The following GPC6 variants were observed in gnomAD, a reference collection of about 807,000 sequenced individuals.
GPC6 encodes glypican 6.
A neutral mutation model predicts 55.2 loss-of-function variants in GPC6; 14 were observed. The ratio of observed to expected loss-of-function variants is 0.25; its 90% CI spans 0.17 to 0.40. The LOEUF (loss-of-function observed/expected upper bound fraction) is 0.40, where lower values mean the gene tolerates loss of function less well. Among genes scored for constraint, GPC6 ranks in the 10% least tolerant of loss-of-function variants. GPC6 has a pLI of 1.00. For missense variants in GPC6, 641 were observed against 708.5 expected (o/e 0.90, Z 1.08); for synonymous variants, 278 against 259.6 (o/e 1.07, Z -0.68).
At chr13:93,387,328 C>T (rs1355584835) in intron 1 of GPC6, among the ~76,000 whole-genome samples, 2 of 152,090 alleles carry the variant, frequency 1.3e-5, no homozygotes, top group African/African-American at 4.8e-5. Flanking sequence ...CTCCCCTTCC[C>T]CTCCACCCCC....
intron 1 of GPC6, among the ~76,000 whole-genome samples, chr13:93,390,985 G>A (rs1424382711): frequency 3.3e-5 from 5 of 151,796 alleles, no homozygotes; most frequent in African/African-American, 4.8e-5. Flanking sequence ...TAAATACTAT[G>A]TGTCTTTTAT....
intron 1 of GPC6, among the ~76,000 whole-genome samples, chr13:93,322,717 G>A (rs545439075): frequency 1.1e-3 from 163 of 152,178 alleles, no homozygotes; most frequent in African/African-American, 3.9e-3. Context: ...TGGGATTACA[G>A]GCATGAGCCA....
intron 6 of GPC6, among the ~76,000 whole-genome samples, chr13:94,356,586 G>A (rs992640537): frequency 6.6e-6 from 1 of 152,204 alleles, no homozygotes; most frequent in Non-Finnish European, 1.5e-5. Context: ...TGCATGATCT[G>A]CCTGAAAGGA....
intron 2 of GPC6, among the ~76,000 whole-genome samples, chr13:93,678,433 T>C (rs1360388460): frequency 6.6e-6 from 1 of 152,188 alleles, no homozygotes; most frequent in Non-Finnish European, 1.5e-5. Flanking sequence ...ACATTTTTAG[T>C]AGTTGTAACA....
intron 1 of GPC6, among the ~76,000 whole-genome samples, chr13:93,293,039 G>A (rs536639364): frequency 6.6e-6 from 1 of 152,188 alleles, no homozygotes; most frequent in South Asian, 2.1e-4. Flanking sequence ...TCAGACTGGA[G>A]TGCAGTGGTG....
chr13:93,952,596 T>C (rs915377045), intron 3 of GPC6, among the ~76,000 whole-genome samples: 1 of 151,878 alleles, frequency 6.6e-6, no homozygotes, highest in African/African-American at 2.4e-5. Flanking sequence ...ATATGTGATG[T>C]ATACATTTAT....
intron 1 of GPC6, among the ~76,000 whole-genome samples, chr13:93,504,677 T>C (rs1405197392): frequency 6.6e-6 from 1 of 151,874 alleles, no homozygotes; most frequent in African/African-American, 2.4e-5. Context: ...AATCTTGAGG[T>C]GATAATAATT....
chr13:93,658,328 T>C (rs1880774421), intron 2 of GPC6, among the ~76,000 whole-genome samples: 1 of 152,002 alleles, frequency 6.6e-6, no homozygotes, highest in Non-Finnish European at 1.5e-5. Flanking sequence ...TTAAAATATA[T>C]CTGCATTGCT....
At chr13:94,348,878 T>C (rs931610352) in intron 6 of GPC6, among the ~76,000 whole-genome samples, 5 of 152,214 alleles carry the variant, frequency 3.3e-5, no homozygotes, top group Non-Finnish European at 7.3e-5. Flanking sequence ...GCTGCCTTAT[T>C]AGAATCCAAA....
intron 2 of GPC6, among the ~76,000 whole-genome samples, chr13:93,739,051 A>G (rs1884107689): frequency 6.6e-6 from 1 of 152,114 alleles, no homozygotes; most frequent in Non-Finnish European, 1.5e-5. Flanking sequence ...GAGGTCAGAT[A>G]TGAGATGGGA....
chr13:93,217,339 C>T, the GPC6 span, among the ~76,000 whole-genome samples: 5 of 152,260 alleles, frequency 3.3e-5, no homozygotes, highest in African/African-American at 7.2e-5. Context: ...TCTTACTTCT[C>T]GTTAGTTATT....
intron 1 of GPC6, among the ~76,000 whole-genome samples, chr13:93,462,923 C>T (rs542247634): frequency 6.6e-6 from 1 of 152,256 alleles, no homozygotes; most frequent in East Asian, 1.9e-4. Flanking sequence ...TACTTTCTTG[C>T]TATTTGCCTC....
At chr13:93,699,440 G>C (rs566218500) in intron 2 of GPC6, among the ~76,000 whole-genome samples, 1 of 152,086 alleles carries the variant, frequency 6.6e-6, no homozygotes, top group Admixed American at 6.6e-5. Context: ...GAACAGGCAC[G>C]CTTCTTCATC....
At chr13:93,578,792 T>C (rs1876797080) in intron 2 of GPC6, among the ~76,000 whole-genome samples, 1 of 152,050 alleles carries the variant, frequency 6.6e-6, no homozygotes, top group South Asian at 2.1e-4. Flanking sequence ...TTATTTGAAA[T>C]CTTTCTACTT....
chr13:93,344,450 T>A (rs1304493724), intron 1 of GPC6, among the ~76,000 whole-genome samples: 1 of 152,204 alleles, frequency 6.6e-6, no homozygotes, highest in Non-Finnish European at 1.5e-5. Flanking sequence ...GGCAGCCAGT[T>A]AATCTAAGAT....
chr13:94,182,868 C>A (rs55899628), intron 4 of GPC6, among the ~76,000 whole-genome samples: 13,055 of 152,200 alleles, frequency 0.086, 588 homozygotes, highest in Non-Finnish European at 0.1. Context: ...CTGAACCCCT[C>A]AGGTTCAAGT....
intron 6 of GPC6, among the ~76,000 whole-genome samples, chr13:94,379,800 G>A (rs553633306): frequency 6.6e-6 from 1 of 152,232 alleles, no homozygotes; most frequent in East Asian, 1.9e-4. Context: ...ACCCATACTG[G>A]ACACTGTGGA....
At chr13:93,464,070 G>A (rs1036059206) in intron 1 of GPC6, among the ~76,000 whole-genome samples, 1 of 152,154 alleles carries the variant, frequency 6.6e-6, no homozygotes, top group Admixed American at 6.5e-5. Flanking sequence ...ATTCAATAGT[G>A]TTGTGTCTAC....
At chr13:94,173,489 C>T (rs965754650) in intron 4 of GPC6, among the ~76,000 whole-genome samples, 10 of 152,078 alleles carry the variant, frequency 6.6e-5, no homozygotes, top group African/African-American at 2.4e-4. Context: ...TTCCTTCAAA[C>T]CCTAAAATAT....
Sources: gnomAD v4.1 joint callset for allele counts (sites outside exome capture counted in the v4.1 genomes callset) on GRCh38, gnomAD v4.1.1 for gene constraint, MANE v1.5 for transcripts, NCBI Gene and HGNC (gene_info 2026-07-23, HGNC 2026-07-21) for gene names.